SPTSSA: variants seen among roughly 807,000 people sequenced by gnomAD.
SPTSSA encodes serine palmitoyltransferase small subunit A, also known as small subunit of serine palmitoyltransferase A.
Under a neutral mutation model 9.1 loss-of-function variants are expected in SPTSSA, and 8 were observed. The ratio of observed to expected loss-of-function variants is 0.88; its 90% confidence interval spans 0.51 to 1.58. The LOEUF (loss-of-function observed/expected upper bound fraction) is 1.58. SPTSSA is among the 40% of genes most tolerant of loss of function. The pLI, the probability that SPTSSA is intolerant of heterozygous loss-of-function variation, is 0.00. For missense variants in SPTSSA, 100 were observed against 93.8 expected (o/e 1.07, Z -0.27); for synonymous variants, 42 against 37.7 (o/e 1.11, Z -0.41).
At chr14:34,451,717 C>CAA (rs35096900) in intron 1 of SPTSSA, among the ~76,000 whole-genome samples, 86 of 77,122 alleles carry the variant, frequency 1.1e-3, no homozygotes, top group East Asian at 5.7e-3. Flanking sequence ...GACTCTGTTT[C>CAA]AAAAAAAAAA....
chr14:34,444,935 T>C (rs909067252), intron 1 of SPTSSA, among the ~76,000 whole-genome samples: 3 of 149,094 alleles, frequency 2.0e-5, no homozygotes, highest in Non-Finnish European at 3.0e-5. Flanking sequence ...CAGCTAAAAC[T>C]ATAAAAGTTA....
chr14:34,434,986 A>G lies in SPTSSA; in HGVS notation c.*215T>C. On this transcript the variant is annotated 3_prime_UTR_variant, in exon 2 of 2. Coordinates refer to ENST00000298130, the MANE Select transcript of SPTSSA (RefSeq NM_138288.4). ...ACAAATGACTACAATGTTAAAATAG[A>G]CAAAAACTGCTATACAAGAGCCTCT... 2.9e-6 allele frequency: 1 copy of G among 349,594 alleles called. No homozygotes were observed. Among genetic ancestry groups the G allele is most frequent in the Non-Finnish European group, 5.2e-6 (1 of 192,818 alleles). The allele number at this position is 349,594 out of a possible 1,614,324, so 21.7% of individuals were successfully genotyped here.
At chr14:34,435,623 C>CTTTTTTTTTT (rs769896697) in intron 1 of SPTSSA, among the ~76,000 whole-genome samples, 29 of 92,442 alleles carry the variant, frequency 3.1e-4, no homozygotes, top group African/African-American at 1.1e-3. Context: ...GTTTGTTTCT[C>CTTTTTTTTTT]TTTTTTTTTT....
chr14:34,440,757 T>C (rs940162360), intron 1 of SPTSSA, among the ~76,000 whole-genome samples: 1 of 152,056 alleles, frequency 6.6e-6, no homozygotes, highest in African/African-American at 2.4e-5. Flanking sequence ...GGCGCATGCC[T>C]GTAATCCCAG....
intron 1 of SPTSSA, among the ~76,000 whole-genome samples, chr14:34,437,386 G>A (rs546979078): frequency 1.3e-5 from 2 of 152,306 alleles, no homozygotes; most frequent in East Asian, 1.9e-4. Context: ...ATAGATAAGA[G>A]TGAACTTTGT....
At chr14:34,461,438 T>G (rs769244783) in intron 1 of SPTSSA, among the ~76,000 whole-genome samples, 3 of 152,140 alleles carry the variant, frequency 2.0e-5, no homozygotes, top group Non-Finnish European at 4.4e-5. Flanking sequence ...CAAAACACAG[T>G]TTCAAACCCT....
intron 1 of SPTSSA, among the ~76,000 whole-genome samples, chr14:34,453,878 T>C (rs1404590969): frequency 6.9e-6 from 1 of 144,134 alleles, no homozygotes; most frequent in Non-Finnish European, 1.5e-5. Flanking sequence ...TTGGGGTTTG[T>C]TCTTTTAAAA....
chr14:34,448,224 C>T (rs1883457696), intron 1 of SPTSSA, among the ~76,000 whole-genome samples: 1 of 152,000 alleles, frequency 6.6e-6, no homozygotes, highest in African/African-American at 2.4e-5. Context: ...CCACTGCACT[C>T]CAGCCTGGGC....
chr14:34,454,519 T>C (rs1883579352), intron 1 of SPTSSA, among the ~76,000 whole-genome samples: 1 of 152,240 alleles, frequency 6.6e-6, no homozygotes, highest in South Asian at 2.1e-4. Flanking sequence ...AGAGATATCC[T>C]AACATTCTCA....
Position 34,462,094 on chromosome 14 carries a change from A to G in SPTSSA, c.112+2T>C. 1 of 1,488,168 alleles carries G rather than the reference A, an allele frequency of 6.7e-7. No individual in the cohort carries two copies. Among genetic ancestry groups the G allele is most frequent in the Non-Finnish European group, 9.0e-7 (1 of 1,111,868 alleles). 92.2% of individuals were successfully genotyped at this position (1,488,168 alleles called of 1,614,324 possible). On this transcript the variant is annotated splice_donor_variant, in intron 1 of 1. Transcript: ENST00000298130. LOFTEE classifies it high-confidence loss of function. Reference sequence around the variant, plus strand: ...CCCGCGCGCGCGGCCGGGACAGGATACTGAACACCGTCCGCTCCCAGGGCT... The same window carrying G: ...CCCGCGCGCGCGGCCGGGACAGGATGCTGAACACCGTCCGCTCCCAGGGCT...
At chr14:34,442,983 T>TGTGTGTGTGTGA (rs750212266) in intron 1 of SPTSSA, among the ~76,000 whole-genome samples, 1,669 of 148,416 alleles carry the variant, frequency 0.011, 18 homozygotes, top group African/African-American at 0.025. Context: ...TGTGTGTGTG[T>TGTGTGTGTGTGA]GAGATGGAGT....
intron 1 of SPTSSA, among the ~76,000 whole-genome samples, chr14:34,440,471 C>G (rs1034873352): frequency 1.3e-5 from 2 of 152,184 alleles, no homozygotes; most frequent in African/African-American, 4.8e-5. Flanking sequence ...AATCAGCTAT[C>G]TGAATATGTA....
At chr14:34,458,332 C>T (rs1307081919) in intron 1 of SPTSSA, among the ~76,000 whole-genome samples, 1 of 151,418 alleles carries the variant, frequency 6.6e-6, no homozygotes, top group Non-Finnish European at 1.5e-5. Context: ...AGCTGGCGTA[C>T]ACTACTACAC....
At chr14:34,457,361 G>A (rs1232703649) in intron 1 of SPTSSA, among the ~76,000 whole-genome samples, 2 of 152,118 alleles carry the variant, frequency 1.3e-5, no homozygotes, top group African/African-American at 4.8e-5. Flanking sequence ...AGCCTATCTT[G>A]GTTACAAAAC....
intron 1 of SPTSSA, among the ~76,000 whole-genome samples, chr14:34,435,631 T>TG: frequency 6.8e-6 from 1 of 146,504 alleles, no homozygotes; most frequent in East Asian, 1.9e-4. Flanking sequence ...CTCTTTTTTT[T>TG]TTTTTTTTTT....
At chr14:34,462,006 CCTCCA>C in intron 1 of SPTSSA, 85 bp downstream of exon 1, 1 of 971,858 alleles carries the variant, frequency 1.0e-6, no homozygotes, top group Non-Finnish European at 1.3e-6. Flanking sequence ...GCCGCTCCAG[CCTCCA>C]CCCCAGGCCC....
rs1883205854 is a variant in SPTSSA, at chr14:34,434,345, C to A, written c.*856G>T. On this transcript the variant is annotated 3_prime_UTR_variant, in exon 2 of 2. Transcript: ENST00000298130. ...TCTCATCATAACTTAATGCAATGTGCAAATGCAGCACCCATTACAATCATT... is the reference window on the plus strand; with the variant it reads ...TCTCATCATAACTTAATGCAATGTGAAAATGCAGCACCCATTACAATCATT... The A allele has an allele frequency of 6.6e-6, 1 of 152,594 alleles. No individual in the cohort carries two copies. The highest frequency in any genetic ancestry group is 2.4e-5 in the African/African-American group (1 of 41,440). 9.5% of individuals were successfully genotyped at this position (152,594 alleles called of 1,614,324 possible).
chr14:34,441,361 C>T (rs926164298), intron 1 of SPTSSA, among the ~76,000 whole-genome samples: 1 of 152,218 alleles, frequency 6.6e-6, no homozygotes, highest in Non-Finnish European at 1.5e-5. Flanking sequence ...CCCAAGGAAC[C>T]AATGGAATCC....
chr14:34,440,713 C>T (rs1357041995), intron 1 of SPTSSA, among the ~76,000 whole-genome samples: 1 of 152,066 alleles, frequency 6.6e-6, no homozygotes, highest in Non-Finnish European at 1.5e-5. Flanking sequence ...GAAACCCCAT[C>T]TCTACTAAAA....
Sources: gnomAD v4.1 joint callset for allele counts (sites outside exome capture counted in the v4.1 genomes callset) on GRCh38, gnomAD v4.1.1 for gene constraint, MANE v1.5 for transcripts, NCBI Gene and HGNC (gene_info 2026-07-23, HGNC 2026-07-21) for gene names.